CSMD1: variants seen among roughly 807,000 people sequenced by gnomAD.
The protein encoded by CSMD1 is CUB and Sushi multiple domains 1.
A neutral mutation model predicts 417.5 loss-of-function variants in CSMD1; 213 were observed. The ratio of observed to expected loss-of-function variants is 0.51; its 90% confidence interval spans 0.46 to 0.57. The LOEUF is 0.57. CSMD1 is among the 20% of genes least tolerant of loss of function. The pLI, the probability that CSMD1 is intolerant of heterozygous loss-of-function variation, is 0.00. For synonymous variants in CSMD1, 2,862 were observed against 1,736.8 expected, an observed-to-expected ratio of 1.65 and a Z score of -16.11; for missense variants, 6,923 against 4,529.7, an observed-to-expected ratio of 1.53 and a Z score of -15.17.
chr8:4,941,253 T>A (rs1563823204), intron 1 of CSMD1, among the ~76,000 whole-genome samples: 1 of 135,918 alleles, frequency 7.4e-6, no homozygotes, highest in African/African-American at 2.5e-5. Flanking sequence ...CTTTTGTTGT[T>A]TCAAACACAG....
rs186907050 is a variant in CSMD1, at chr8:3,557,412, T to G, written c.1344+17533A>C. On this transcript the variant is annotated intron_variant, in intron 10 of 69. Transcript: ENST00000635120. ...CGTGACCATTTATGGGTCTTCACTA[T>G]TTGCCAAACGCTGTGCACAAGACTG... is the stretch of plus-strand genomic sequence containing the variant. 3.0e-3 allele frequency among the ~76,000 whole-genome samples: 460 copies of G among 152,274 alleles called. 6 individuals carry two copies. Among genetic ancestry groups the G allele is most frequent in the Admixed American group, 0.027 (410 of 15,292 alleles).
At chr8:3,509,544 C>G (rs1026945099) in intron 10 of CSMD1, among the ~76,000 whole-genome samples, 3 of 152,094 alleles carry the variant, frequency 2.0e-5, no homozygotes, top group Non-Finnish European at 4.4e-5. Flanking sequence ...AAGATTGCCT[C>G]TAAATTTTAT....
intron 41 of CSMD1, among the ~76,000 whole-genome samples, chr8:3,124,829 A>G (rs7842818): frequency 0.41 from 62,825 of 152,080 alleles, 16,964 homozygotes; most frequent in African/African-American, 0.77. Context: ...TAATGATGAC[A>G]ATGATGATTC....
chr8:4,109,000 G>C (rs1017957858), intron 3 of CSMD1, among the ~76,000 whole-genome samples: 3 of 152,166 alleles, frequency 2.0e-5, no homozygotes, highest in Non-Finnish European at 4.4e-5. Context: ...GGAAAGGATT[G>C]GTTTCAGGAC....
intron 3 of CSMD1, among the ~76,000 whole-genome samples, chr8:4,051,963 T>G (rs1040167778): frequency 7.9e-5 from 12 of 151,912 alleles, no homozygotes; most frequent in Non-Finnish European, 1.5e-4. Flanking sequence ...TTCACTCTTG[T>G]TGCCCAGGCT....
intron 1 of CSMD1, among the ~76,000 whole-genome samples, chr8:4,745,280 T>C (rs1810879093): frequency 6.6e-6 from 1 of 152,166 alleles, no homozygotes. Flanking sequence ...GGCAGAAAAT[T>C]AAAAACACTA....
At chr8:4,290,161 T>C (rs1348887794) in intron 3 of CSMD1, among the ~76,000 whole-genome samples, 1 of 152,128 alleles carries the variant, frequency 6.6e-6, no homozygotes, top group Admixed American at 6.6e-5. Context: ...GCTTCCCAGG[T>C]AAAGCAGAGT....
intron 5 of CSMD1, among the ~76,000 whole-genome samples, chr8:3,755,094 T>C (rs1273738392): frequency 6.6e-6 from 1 of 152,250 alleles, no homozygotes; most frequent in Non-Finnish European, 1.5e-5. Flanking sequence ...TTGAAAACCT[T>C]ATGTGCTTAC....
At chr8:3,311,357 C>G (rs775454204) in intron 23 of CSMD1, among the ~76,000 whole-genome samples, 1 of 152,060 alleles carries the variant, frequency 6.6e-6, no homozygotes, top group Admixed American at 6.6e-5. Context: ...TCCAGTGATT[C>G]TCCTGCCTCA....
chr8:4,164,151 T>G (rs1797324151), intron 3 of CSMD1, among the ~76,000 whole-genome samples: 1 of 152,010 alleles, frequency 6.6e-6, no homozygotes, highest in Non-Finnish European at 1.5e-5. Flanking sequence ...TCTTAAAATG[T>G]AATCATTAGA....
At chr8:4,639,063 C>A (rs1803033110) in intron 1 of CSMD1, among the ~76,000 whole-genome samples, 1 of 152,200 alleles carries the variant, frequency 6.6e-6, no homozygotes, top group Admixed American at 6.5e-5. Context: ...TCTATTTTTA[C>A]CACTAGACAA....
chr8:4,286,097 T>C (rs1338198288), intron 3 of CSMD1, among the ~76,000 whole-genome samples: 1 of 152,110 alleles, frequency 6.6e-6, no homozygotes, highest in Non-Finnish European at 1.5e-5. Context: ...ACATTATTCT[T>C]TATGTGACCG....
At chr8:4,908,298 G>C (rs564497084) in intron 1 of CSMD1, among the ~76,000 whole-genome samples, 3 of 152,164 alleles carry the variant, frequency 2.0e-5, no homozygotes, top group Admixed American at 6.5e-5. Flanking sequence ...TTTATCTCTG[G>C]TTTTGTGCAG....
intron 3 of CSMD1, among the ~76,000 whole-genome samples, chr8:4,374,802 G>T (rs546307157): frequency 7.6e-4 from 116 of 152,206 alleles, no homozygotes; most frequent in Non-Finnish European, 1.3e-3. Context: ...CCCAGGAGAG[G>T]ATGGCAGGAA....
intron 2 of CSMD1, among the ~76,000 whole-genome samples, chr8:4,621,902 A>C (rs556426827): frequency 6.6e-6 from 1 of 152,120 alleles, no homozygotes; most frequent in South Asian, 2.1e-4. Context: ...AATGTAATTG[A>C]ACATATAAAC....
rs138184203 is a variant in CSMD1 at position 3,548,424 on chromosome 8, T to C, written c.1344+26521A>G. Among the ~76,000 whole-genome samples the C allele has an allele frequency of 6.4e-4, 97 of 152,212 alleles. 1 individual carries two copies. The East Asian group carries it at 0.015, about 23-fold the overall frequency. On this transcript the variant is annotated intron_variant, in intron 10 of 69. Coordinates refer to ENST00000635120, the MANE Select transcript of CSMD1 (RefSeq NM_033225.6). The stretch of plus-strand genomic sequence containing the variant: ...AGCAGTATACACTGCACCCAGTTTG[T>C]AGTCTTGTATCCCTCAACCACTTCC...
intron 3 of CSMD1, among the ~76,000 whole-genome samples, chr8:4,098,545 G>C (rs900151962): frequency 5.9e-5 from 9 of 152,114 alleles, no homozygotes; most frequent in African/African-American, 2.2e-4. Flanking sequence ...AGCTGAGAAA[G>C]TGGATTCAGT....
chr8:3,374,766 G>T (rs181752549), intron 18 of CSMD1, among the ~76,000 whole-genome samples: 2 of 152,126 alleles, frequency 1.3e-5, no homozygotes, highest in East Asian at 1.9e-4. Flanking sequence ...GCTTCCTACT[G>T]ATGTTCATGG....
intron 5 of CSMD1, among the ~76,000 whole-genome samples, chr8:3,991,307 G>A (rs574770902): frequency 4.6e-5 from 7 of 152,314 alleles, no homozygotes; most frequent in African/African-American, 1.2e-4. Flanking sequence ...GAGTTTCAGG[G>A]TGGAGGTACC....
Sources: gnomAD v4.1 joint callset for allele counts (sites outside exome capture counted in the v4.1 genomes callset) on GRCh38, gnomAD v4.1.1 for gene constraint, MANE v1.5 for transcripts, NCBI Gene and HGNC (gene_info 2026-07-23, HGNC 2026-07-21) for gene names.